Variants in TRPM3 observed in about 807,000 individuals in gnomAD.
TRPM3 encodes transient receptor potential cation channel subfamily M member 3, also known as long transient receptor potential channel 3.
In TRPM3, 77 loss-of-function variants were observed where a neutral mutation model predicts 181.2. The observed-to-expected ratio is 0.42, with a 90% CI of 0.35 to 0.51. TRPM3 has a LOEUF of 0.51. TRPM3 is among the 20% of genes least tolerant of loss of function. TRPM3 has a pLI of 0.01. For synonymous variants in TRPM3, 745 were observed against 796.4 expected (o/e 0.94, Z 1.09); for missense variants, 1,759 against 2,196.7 (o/e 0.80, Z 3.98).
Position 70,697,193 on chromosome 9 carries a change from G to A in TRPM3, c.1273-15615C>T, listed in dbSNP as rs116647111. Among the ~76,000 whole-genome samples the A allele has an allele frequency of 5.8e-3, 881 of 152,214 alleles. 10 individuals carry two copies. The highest frequency in any genetic ancestry group is 0.02 in the African/African-American group (826 of 41,536). ...CTGGTGGGAGAATGCAAGTCCTCAC[G>A]TAAAACTTCATTTTCTGATCTGACA... is the stretch of plus-strand genomic sequence containing the variant. On this transcript the variant is annotated intron_variant, in intron 8 of 25. Coordinates refer to ENST00000677713, the MANE Select transcript of TRPM3 (RefSeq NM_001366145.2).
chr9:70,565,149 C>G (rs929033881), intron 22 of TRPM3, among the ~76,000 whole-genome samples: 7 of 152,190 alleles, frequency 4.6e-5, no homozygotes, highest in Non-Finnish European at 1.0e-4. Context: ...TGCATATGAA[C>G]TGCTAGGAAT....
intron 1 of TRPM3, among the ~76,000 whole-genome samples, chr9:71,106,935 G>C (rs555299494): frequency 1.3e-5 from 2 of 152,300 alleles, no homozygotes; most frequent in South Asian, 4.1e-4. Flanking sequence ...GCATCCTGCA[G>C]TGGCTGAGCA....
At chr9:71,339,969 A>C (rs2090841763) in intron 1 of TRPM3, among the ~76,000 whole-genome samples, 1 of 152,172 alleles carries the variant, frequency 6.6e-6, no homozygotes. Flanking sequence ...TCATGGTCAC[A>C]CTGAGTAGAT....
intron 6 of TRPM3, among the ~76,000 whole-genome samples, chr9:70,792,657 AAGAC>A (rs2085771623): frequency 1.3e-5 from 1 of 77,588 alleles, no homozygotes; most frequent in Admixed American, 1.5e-4. Flanking sequence ...GAGAGACAGA[AAGAC>A]AGAGAGAGAG....
chr9:71,372,489 C>T (rs183903336), intron 1 of TRPM3, among the ~76,000 whole-genome samples: 1 of 152,258 alleles, frequency 6.6e-6, no homozygotes, highest in Non-Finnish European at 1.5e-5. Flanking sequence ...ACTTCACCAG[C>T]ACCTGTTTTT....
In TRPM3 at chr9:70,536,455, G is replaced by GT; in HGVS notation, c.4657dup (p.Thr1553AsnfsTer12). 2 of 1,614,180 alleles carry GT rather than the reference G, an allele frequency of 1.2e-6. No individual in the cohort carries two copies. Among genetic ancestry groups the GT allele is most frequent in the Non-Finnish European group, 1.7e-6 (2 of 1,180,028 alleles). ...GTCTGTAATACTTGTGTATTCTGCT[G>GT]TTTTTACAGGCACCCCAAAGTTGGC... is the stretch of plus-strand genomic sequence containing the variant. On this transcript the variant is annotated frameshift_variant, in exon 26 of 26. Transcript: ENST00000677713. LOFTEE classifies it high-confidence loss of function.
intron 1 of TRPM3, among the ~76,000 whole-genome samples, chr9:70,909,251 G>T (rs2096509361): frequency 6.6e-6 from 1 of 152,200 alleles, no homozygotes; most frequent in African/African-American, 2.4e-5. Context: ...GAAGAAAAAG[G>T]ATTTGTAAGC....
chr9:70,701,287 T>C (rs1444985074), intron 8 of TRPM3, among the ~76,000 whole-genome samples: 1 of 152,222 alleles, frequency 6.6e-6, no homozygotes. Flanking sequence ...GATGATAGGC[T>C]ATTTGGGCCT....
chr9:70,645,547 C>A (rs2058699717), intron 9 of TRPM3, among the ~76,000 whole-genome samples: 1 of 152,068 alleles, frequency 6.6e-6, no homozygotes, highest in South Asian at 2.1e-4. Context: ...ACACCTTATA[C>A]AAAAATTAAC....
In TRPM3 at chr9:70,681,550, C is replaced by T. The variant is rs1220641422; in HGVS notation, c.1301G>A (p.Gly434Glu). The change falls in exon 9 of 26, where the codon GGA (glycine) becomes GAA (glutamate). Residue 434 changes from glycine to glutamate, a missense_variant. Physicochemically the swap from Gly to Glu is moderately conservative, Grantham distance 98. Transcript: ENST00000677713. ...GATAGCCAAATCAATGTCCTGGTGT[C>T]CTTCTGATCCCATCCGAAATACCGT... ...LITVFRMGSE[G>E]HQDIDLAILT... 1.9e-6 allele frequency: 3 copies of T among 1,613,618 alleles called. No homozygotes were observed. Among genetic ancestry groups the T allele is most frequent in the African/African-American group, 2.7e-5 (2 of 74,826 alleles).
chr9:70,974,853 T>C (rs1489765874), intron 1 of TRPM3, among the ~76,000 whole-genome samples: 1 of 150,742 alleles, frequency 6.6e-6, no homozygotes, highest in African/African-American at 2.4e-5. Context: ...ACAGGAGTGA[T>C]GGAACATCAA....
At chr9:70,941,965 T>C (rs2096890151) in intron 1 of TRPM3, among the ~76,000 whole-genome samples, 3 of 152,226 alleles carry the variant, frequency 2.0e-5, no homozygotes, top group African/African-American at 7.2e-5. Context: ...ACAGAGGCCC[T>C]TGGAAATATT....
chr9:71,100,255 T>G lies in TRPM3; in HGVS notation c.177+20923A>C, dbSNP rs117497035. ...AATTTTGTTAGTCTCTGAGGGAGAT[T>G]TGAAGATGCCAAGTCAATGTCTTTA... On this transcript the variant is annotated intron_variant, in intron 1 of 25. Coordinates refer to ENST00000677713, the MANE Select transcript of TRPM3 (RefSeq NM_001366145.2). Among the ~76,000 whole-genome samples, 150 of 152,242 alleles carry G rather than the reference T, an allele frequency of 9.9e-4. 1 individual carries two copies. The Middle Eastern group carries it at 0.01, about 10-fold the overall frequency.
At chr9:70,647,757 T>C (rs993899100) in intron 9 of TRPM3, among the ~76,000 whole-genome samples, 3 of 152,150 alleles carry the variant, frequency 2.0e-5, no homozygotes, top group Non-Finnish European at 4.4e-5. Context: ...CAAACTATCT[T>C]TGTTCACAGA....
chr9:70,920,977 T>A (rs1384211158), intron 1 of TRPM3, among the ~76,000 whole-genome samples: 1 of 152,198 alleles, frequency 6.6e-6, no homozygotes, highest in Non-Finnish European at 1.5e-5. Flanking sequence ...CATATTTTCC[T>A]TTGGTGTCTA....
chr9:71,066,741 A>C (rs1421907786), intron 1 of TRPM3, among the ~76,000 whole-genome samples: 1 of 152,182 alleles, frequency 6.6e-6, no homozygotes, highest in East Asian at 1.9e-4. Flanking sequence ...GAGATGTAGA[A>C]TCATGACTGA....
intron 1 of TRPM3, among the ~76,000 whole-genome samples, chr9:71,079,200 G>T (rs924314352): frequency 6.6e-6 from 1 of 152,164 alleles, no homozygotes; most frequent in Non-Finnish European, 1.5e-5. Flanking sequence ...AGAGTTGGTG[G>T]CTGGAACTTG....
intron 16 of TRPM3, 128 bp from the exon 17 acceptor site, chr9:70,619,223 C>G (rs1457160492): frequency 1.4e-6 from 1 of 717,434 alleles, no homozygotes; most frequent in African/African-American, 1.8e-5. Context: ...GGGGTCTAGT[C>G]TGTTTGTAAA....
At chr9:70,787,218 T>A (rs2083874853) in intron 6 of TRPM3, among the ~76,000 whole-genome samples, 1 of 152,096 alleles carries the variant, frequency 6.6e-6, no homozygotes, top group African/African-American at 2.4e-5. Flanking sequence ...TAATTACCAA[T>A]TAAAATGATG....
Sources: gnomAD v4.1 joint callset for allele counts (sites outside exome capture counted in the v4.1 genomes callset) on GRCh38, gnomAD v4.1.1 for gene constraint, MANE v1.5 for transcripts, NCBI Gene and HGNC (gene_info 2026-07-23, HGNC 2026-07-21) for gene names.